The following TLK1 variants were observed in gnomAD, a reference collection of about 807,000 sequenced individuals.
TLK1 encodes serine/threonine-protein kinase tousled-like 1.
Under a neutral mutation model 105.3 loss-of-function variants are expected in TLK1, and 24 were observed. That is an observed-to-expected ratio of 0.23 (90% CI 0.17 to 0.32). The LOEUF is 0.32. Among genes scored for constraint, TLK1 ranks in the 10% least tolerant of loss-of-function variants. TLK1 has a pLI of 1.00. For synonymous variants in TLK1, 321 were observed against 310.4 expected, an observed-to-expected ratio of 1.03 and a Z score of -0.36; for missense variants, 558 against 910.5, an observed-to-expected ratio of 0.61 and a Z score of 4.98.
chr2:171,181,131 T>C (rs1423798411), intron 1 of TLK1, among the ~76,000 whole-genome samples: 1 of 152,222 alleles, frequency 6.6e-6, no homozygotes, highest in Non-Finnish European at 1.5e-5. Context: ...AAACAGTAGC[T>C]GAAACAAAAT....
chr2:171,199,093 T>C (rs1693350158), intron 1 of TLK1, among the ~76,000 whole-genome samples: 1 of 152,234 alleles, frequency 6.6e-6, no homozygotes, highest in African/African-American at 2.4e-5. Context: ...GTAACTAAGT[T>C]GTTTGCAGCT....
intron 12 of TLK1, among the ~76,000 whole-genome samples, chr2:171,016,237 G>C (rs1685208207): frequency 6.6e-6 from 1 of 152,188 alleles, no homozygotes; most frequent in Admixed American, 6.5e-5. Context: ...GACCCCGCAA[G>C]CTCAAGCAAT....
chr2:171,012,348 G>A (rs998737429), intron 13 of TLK1, among the ~76,000 whole-genome samples: 3 of 152,072 alleles, frequency 2.0e-5, no homozygotes, highest in Non-Finnish European at 2.9e-5. Context: ...TGAAGGTACT[G>A]ATGCACAGAA....
chr2:171,095,703 C>T (rs573798929), intron 2 of TLK1, among the ~76,000 whole-genome samples: 2 of 151,976 alleles, frequency 1.3e-5, no homozygotes, highest in African/African-American at 4.8e-5. Flanking sequence ...AAATATGATA[C>T]ACCACATTAA....
chr2:171,180,232 A>T (rs1190601899), intron 1 of TLK1, among the ~76,000 whole-genome samples: 2 of 152,068 alleles, frequency 1.3e-5, no homozygotes, highest in Non-Finnish European at 2.9e-5. Flanking sequence ...AAAAAAAAAA[A>T]ATTGCCCCCC....
intron 1 of TLK1, among the ~76,000 whole-genome samples, chr2:171,204,484 G>A (rs1260222762): frequency 6.6e-6 from 1 of 151,424 alleles, no homozygotes; most frequent in East Asian, 1.9e-4. Flanking sequence ...TCAGAGTAAT[G>A]TTGAAAGGAC....
At chr2:171,142,670 G>A (rs1029733035) in intron 1 of TLK1, among the ~76,000 whole-genome samples, 3 of 152,188 alleles carry the variant, frequency 2.0e-5, no homozygotes, top group African/African-American at 7.2e-5. Context: ...ATAATCATTT[G>A]GGGATATTTT....
intron 1 of TLK1, chr2:171,159,848 G>A (rs757627477): frequency 1.3e-5 from 2 of 157,042 alleles, no homozygotes; most frequent in African/African-American, 2.4e-5. Context: ...TCTATGGGAG[G>A]AGTGCGCGGG....
chr2:171,123,681 T>G (rs1036174920), intron 1 of TLK1, among the ~76,000 whole-genome samples: 3 of 152,182 alleles, frequency 2.0e-5, no homozygotes, highest in Non-Finnish European at 4.4e-5. Context: ...TGTGGTGGTA[T>G]GCACCTATGG....
intron 1 of TLK1, among the ~76,000 whole-genome samples, chr2:171,169,813 G>A (rs1692692658): frequency 1.3e-5 from 2 of 152,104 alleles, no homozygotes; most frequent in African/African-American, 4.8e-5. Context: ...CAAAACGTTT[G>A]GTGCCTTCTT....
intron 3 of TLK1, among the ~76,000 whole-genome samples, chr2:171,067,950 C>T (rs1688083681): frequency 6.6e-6 from 1 of 152,166 alleles, no homozygotes. Context: ...AGGACATGAA[C>T]TCATCCTTTT....
intron 1 of TLK1, among the ~76,000 whole-genome samples, chr2:171,172,349 A>T (rs1692745927): frequency 6.6e-6 from 1 of 152,228 alleles, no homozygotes; most frequent in Non-Finnish European, 1.5e-5. Context: ...GTGGAAATTC[A>T]TCAAGCTATA....
intron 1 of TLK1, among the ~76,000 whole-genome samples, chr2:171,173,639 C>T (rs140538994): frequency 5.9e-5 from 9 of 152,174 alleles, no homozygotes; most frequent in East Asian, 3.9e-4. Context: ...GCATCCTCCC[C>T]GCTCGGCTTC....
chr2:171,004,176 T>C (rs1404728353), intron 18 of TLK1, among the ~76,000 whole-genome samples: 1 of 152,172 alleles, frequency 6.6e-6, no homozygotes, highest in Non-Finnish European at 1.5e-5. Context: ...TTGGCCAGGC[T>C]GGTCTCGAAC....
In TLK1 at chr2:171,046,187, T is replaced by C; in HGVS notation, c.1156A>G (p.Asn386Asp). 1 of 1,572,362 alleles carries C rather than the reference T, an allele frequency of 6.4e-7. No homozygotes were observed. The highest frequency in any genetic ancestry group is 8.6e-7 in the Non-Finnish European group (1 of 1,163,704). ...GAENDPFVRP[N>D]LPQLLTLAEY... ...ATGGAGGCTTACAGTTGTGGTAAAT[T>C]TGGTCTAACAAAGGGATCATTCTCT... The change falls in exon 11 of 21, where the codon AAT becomes GAT. Residue 386 changes from asparagine (N) to aspartate (D), a missense_variant. Coordinates refer to ENST00000431350, the MANE Select transcript of TLK1 (RefSeq NM_012290.5).
chr2:171,011,462 G>A lies in TLK1; in HGVS notation c.1335-8C>T, dbSNP rs1684912192. 1 of 1,605,512 alleles carries A rather than the reference G, an allele frequency of 6.2e-7. No individual in the cohort carries two copies. ...GTTGGGTGATCTTTGAACCTTAGAG[G>A]TGGGGGCAAAAAACAGACATATTAA... On this transcript the variant is annotated splice_region_variant and splice_polypyrimidine_tract_variant and intron_variant, in intron 13 of 20. Transcript: ENST00000431350.
At chr2:171,037,829 T>C (rs1283181800) in intron 11 of TLK1, among the ~76,000 whole-genome samples, 3 of 152,204 alleles carry the variant, frequency 2.0e-5, no homozygotes, top group Non-Finnish European at 4.4e-5. Flanking sequence ...TCTTGTACAA[T>C]CTTTGTTGAG....
At chr2:171,176,690 G>A (rs879916152) in intron 1 of TLK1, among the ~76,000 whole-genome samples, 11 of 152,224 alleles carry the variant, frequency 7.2e-5, no homozygotes, top group African/African-American at 1.4e-4. Flanking sequence ...TAACTTCATA[G>A]TCTCCCTGCT....
rs1225519408 is a variant in TLK1, at chr2:171,073,880, C to CG, written c.330+8900_330+8901insC. ...GAGAATAAACTTAACATTCCCCCCCCCCCTCCTTTTTTTTTCTTTCTTTTT... is the reference window on the plus strand; with the variant it reads ...GAGAATAAACTTAACATTCCCCCCCCGCCCTCCTTTTTTTTTCTTTCTTTTT... On this transcript the variant is annotated intron_variant, in intron 3 of 20. Coordinates refer to ENST00000431350, the MANE Select transcript of TLK1 (RefSeq NM_012290.5). Among the ~76,000 whole-genome samples the CG allele has an allele frequency of 3.9e-4, 38 of 98,474 alleles. 3 individuals are homozygous for CG. The Admixed American group carries it at 4.1e-3, about 11-fold the overall frequency. 64.6% of individuals were successfully genotyped at this position (98,474 alleles called of 152,430 possible). A position where few individuals can be genotyped will look rare whatever the true frequency, so the allele number is the denominator to read the frequency against.
Sources: allele counts gnomAD v4.1 joint callset (sites outside exome capture counted in the v4.1 genomes callset), GRCh38; gene constraint gnomAD v4.1.1; transcripts MANE v1.5; gene names NCBI Gene and HGNC (gene_info 2026-07-23, HGNC 2026-07-21).